The following ANKS1B variants were observed in gnomAD, a reference collection of about 807,000 sequenced individuals.
ANKS1B encodes the protein ankyrin repeat and sterile alpha motif domain-containing protein 1B.
A neutral mutation model predicts 148.3 loss-of-function variants in ANKS1B; 36 were observed. That is an observed-to-expected ratio of 0.24 (90% CI 0.19 to 0.32). The LOEUF (loss-of-function observed/expected upper bound fraction) is 0.32. ANKS1B is among the 10% of genes least tolerant of loss of function. The probability of loss-of-function intolerance (pLI) is 1.00; values close to 1 mark genes in which losing one functional copy is unlikely to be tolerated. For synonymous variants in ANKS1B, 542 were observed against 560.8 expected (o/e 0.97, Z 0.47); for missense variants, 1,157 against 1,542.6 (o/e 0.75, Z 4.19).
chr12:99,296,232 A>G (rs1385292880), intron 12 of ANKS1B, among the ~76,000 whole-genome samples: 1 of 152,128 alleles, frequency 6.6e-6, no homozygotes, highest in Non-Finnish European at 1.5e-5. Context: ...AAATATCATG[A>G]CTTTATACTA....
Position 99,053,364 on chromosome 12 carries a change from CAG to C in ANKS1B, c.2626-57_2626-56del, listed in dbSNP as rs1259597193. 5.3e-6 allele frequency: 7 copies of C among 1,324,520 alleles called. No homozygotes were observed. In the African/African-American group the frequency reaches 1.1e-4, roughly 20 times the overall value. The allele number at this position is 1,324,520 out of a possible 1,614,324, so 82.0% of individuals were successfully genotyped here. A position where few individuals can be genotyped will look rare whatever the true frequency, so the allele number is the denominator to read the frequency against. ...AACTGTATACTTTGTGTCCCAACAA[CAG>C]AATGCAGATTTCCCCTTGAAAATTT... is the stretch of plus-strand genomic sequence containing the variant. On this transcript the variant is annotated intron_variant, in intron 16 of 26. Coordinates refer to ENST00000683438, the MANE Select transcript of ANKS1B (RefSeq NM_001352186.2).
rs184572438 is a variant in ANKS1B, at chr12:99,863,024, T to C, written c.135-37635A>G. Among the ~76,000 whole-genome samples the C allele has an allele frequency of 1.0e-3, 156 of 152,342 alleles. 1 individual carries two copies. The highest frequency in any genetic ancestry group is 1.2e-3 in the South Asian group (6 of 4,820). On this transcript the variant is annotated intron_variant, in intron 1 of 26. Transcript: ENST00000683438. Reference sequence around the variant, plus strand: ...CCCTAGACCCAGCTGTCATGAGGAATAGAGAGGCAATCCCAGTAAGGAACT... The same window carrying C: ...CCCTAGACCCAGCTGTCATGAGGAACAGAGAGGCAATCCCAGTAAGGAACT...
intron 8 of ANKS1B, among the ~76,000 whole-genome samples, chr12:99,732,799 A>G (rs1489701247): frequency 6.6e-6 from 1 of 152,196 alleles, no homozygotes; most frequent in Non-Finnish European, 1.5e-5. Context: ...ATAGTAGAGA[A>G]AGATCAGAAA....
chr12:99,322,477 T>TAA (rs757165561), intron 12 of ANKS1B, among the ~76,000 whole-genome samples: 8 of 65,616 alleles, frequency 1.2e-4, no homozygotes, highest in African/African-American at 2.7e-4. Context: ...GAACTTAAAG[T>TAA]AAAAAAAAAA....
chr12:99,084,729 A>C (rs80009464), intron 16 of ANKS1B, among the ~76,000 whole-genome samples, 196 bp downstream of exon 16: 12,176 of 152,236 alleles, frequency 0.08, 631 homozygotes, highest in Middle Eastern at 0.13. Flanking sequence ...AAACAAAAAA[A>C]CAATAAAACC....
chr12:99,763,254 C>G (rs1481160177), intron 8 of ANKS1B, among the ~76,000 whole-genome samples: 1 of 152,050 alleles, frequency 6.6e-6, no homozygotes, highest in African/African-American at 2.4e-5. Flanking sequence ...TATCCATCAA[C>G]GGTGGACTAG....
intron 8 of ANKS1B, among the ~76,000 whole-genome samples, chr12:99,756,697 C>G (rs891395450): frequency 7.2e-5 from 11 of 151,972 alleles, no homozygotes; most frequent in African/African-American, 2.7e-4. Flanking sequence ...CTACAGCAAC[C>G]AAAACAGCAT....
At chr12:98,865,758 T>A (rs1012297616) in intron 17 of ANKS1B, among the ~76,000 whole-genome samples, 3 of 152,064 alleles carry the variant, frequency 2.0e-5, no homozygotes, top group African/African-American at 7.3e-5. Flanking sequence ...CACACAGATA[T>A]CTGGGGACAA....
At chr12:99,780,172 G>A (rs898052565) in intron 5 of ANKS1B, among the ~76,000 whole-genome samples, 200 bp from the exon 6 acceptor site, 2 of 152,024 alleles carry the variant, frequency 1.3e-5, no homozygotes, top group African/African-American at 4.8e-5. Flanking sequence ...TAGCAAGAAA[G>A]AAGGCAGGGG....
intron 16 of ANKS1B, among the ~76,000 whole-genome samples, chr12:99,075,061 G>A (rs771649227): frequency 1.3e-5 from 2 of 152,176 alleles, no homozygotes; most frequent in African/African-American, 2.4e-5. Context: ...TTACCCATGG[G>A]AAGAAGGATG....
chr12:98,913,559 A>C (rs142424173), intron 17 of ANKS1B, among the ~76,000 whole-genome samples: 1,950 of 152,286 alleles, frequency 0.013, 21 homozygotes, highest in South Asian at 0.025. Context: ...GTACATCTCC[A>C]GCTCACTTGG....
intron 1 of ANKS1B, among the ~76,000 whole-genome samples, chr12:99,935,118 A>C (rs2094727282): frequency 6.6e-6 from 1 of 152,180 alleles, no homozygotes; most frequent in Admixed American, 6.5e-5. Flanking sequence ...GATATAAATT[A>C]CACTTGATAT....
intron 14 of ANKS1B, among the ~76,000 whole-genome samples, chr12:99,202,951 G>A (rs2082238640): frequency 6.6e-6 from 1 of 152,180 alleles, no homozygotes; most frequent in South Asian, 2.1e-4. Flanking sequence ...AGTTGGATGA[G>A]CCTCAGACTT....
intron 10 of ANKS1B, among the ~76,000 whole-genome samples, chr12:99,480,119 A>G (rs2096387444): frequency 6.6e-6 from 1 of 151,846 alleles, no homozygotes; most frequent in Non-Finnish European, 1.5e-5. Context: ...CATAAATAAC[A>G]TGCATGTATT....
At chr12:98,993,315 A>G (rs1044039315) in intron 17 of ANKS1B, among the ~76,000 whole-genome samples, 2 of 152,080 alleles carry the variant, frequency 1.3e-5, no homozygotes, top group African/African-American at 2.4e-5. Context: ...TTACAGCTGC[A>G]CGCCACCATG....
chr12:99,912,474 C>T (rs1172777236), intron 1 of ANKS1B, among the ~76,000 whole-genome samples: 1 of 152,032 alleles, frequency 6.6e-6, no homozygotes, highest in Non-Finnish European at 1.5e-5. Context: ...GCCTCAGCCT[C>T]CCAAGTAGCT....
At chr12:98,786,701 G>C (rs1032074668) in intron 22 of ANKS1B, among the ~76,000 whole-genome samples, 7 of 152,162 alleles carry the variant, frequency 4.6e-5, no homozygotes, top group Non-Finnish European at 7.3e-5. Context: ...GTTTATGATG[G>C]GGAGCACTTC....
At chr12:99,118,910 T>C (rs953297530) in intron 15 of ANKS1B, among the ~76,000 whole-genome samples, 1 of 152,190 alleles carries the variant, frequency 6.6e-6, no homozygotes, top group Non-Finnish European at 1.5e-5. Context: ...GGATCAGTTT[T>C]TGGTCTCGGG....
At chr12:99,321,245 G>A (rs10161325) in intron 12 of ANKS1B, among the ~76,000 whole-genome samples, 1 of 151,992 alleles carries the variant, frequency 6.6e-6, no homozygotes. Flanking sequence ...CAGACAGGGA[G>A]GTTTAACTCT....
Sources: gnomAD v4.1 joint callset for allele counts (sites outside exome capture counted in the v4.1 genomes callset) on GRCh38, gnomAD v4.1.1 for gene constraint, MANE v1.5 for transcripts, NCBI Gene and HGNC (gene_info 2026-07-23, HGNC 2026-07-21) for gene names.